PDE8B: variants seen among roughly 807,000 people sequenced by gnomAD.
PDE8B encodes high affinity cAMP-specific and IBMX-insensitive 3',5'-cyclic phosphodiesterase 8B.
A neutral mutation model predicts 101.3 loss-of-function variants in PDE8B; 26 were observed. The ratio of observed to expected loss-of-function variants is 0.26; its 90% CI spans 0.19 to 0.36. The LOEUF is 0.36. Among genes scored for constraint, PDE8B ranks in the 10% least tolerant of loss-of-function variants. PDE8B has a pLI of 1.00. For missense variants in PDE8B, 810 were observed against 1,163.1 expected (o/e 0.70, Z 4.42); for synonymous variants, 424 against 429.3 (o/e 0.99, Z 0.15).
In PDE8B at chr5:77,245,498, G is replaced by T. The variant is rs114010388; in HGVS notation, c.339+34234G>T. Among the ~76,000 whole-genome samples the T allele has an allele frequency of 5.9e-3, 894 of 152,284 alleles. 8 individuals are homozygous for T. The highest frequency in any genetic ancestry group is 0.021 in the African/African-American group (864 of 41,554). On this transcript the variant is annotated intron_variant, in intron 1 of 21. Coordinates refer to ENST00000264917, the MANE Select transcript of PDE8B (RefSeq NM_003719.5). ...AATTGACAGTCTCTCTGATCGTACA[G>T]AAGACAAGGCCCAGACCTTCAGGAA...
chr5:77,127,416 C>T, the PDE8B span, among the ~76,000 whole-genome samples: 1 of 152,166 alleles, frequency 6.6e-6, no homozygotes, highest in Non-Finnish European at 1.5e-5. Flanking sequence ...TCTTTGCCTT[C>T]CACCATGATT....
the PDE8B span, among the ~76,000 whole-genome samples, chr5:77,137,834 T>C: frequency 6.6e-6 from 1 of 151,984 alleles, no homozygotes; most frequent in Non-Finnish European, 1.5e-5. Flanking sequence ...AGGAGAGACT[T>C]TTTTTCATTA....
rs772847529 is a variant in PDE8B at position 77,407,373 on chromosome 5, C to T, written c.1289-8C>T. On this transcript the variant is annotated splice_region_variant and splice_polypyrimidine_tract_variant and intron_variant, in intron 12 of 21. Transcript: ENST00000264917. ...GAACTGGACACAGCTTTCTTGCCTT[C>T]TCTCCAGCACCAAGCCTGCAGAATC... is the stretch of plus-strand genomic sequence containing the variant. 6.3e-5 allele frequency: 102 copies of T among 1,613,076 alleles called. No individual in the cohort carries two copies. The Admixed American group carries it at 1.6e-3, about 25-fold the overall frequency.
chr5:77,195,197 G>T, the PDE8B span, among the ~76,000 whole-genome samples: 2 of 152,220 alleles, frequency 1.3e-5, no homozygotes, highest in African/African-American at 2.4e-5. Context: ...GGAAACACAT[G>T]CCCTCACATG....
At chr5:77,320,550 T>C (rs1431057739) in intron 2 of PDE8B, among the ~76,000 whole-genome samples, 2 of 152,186 alleles carry the variant, frequency 1.3e-5, no homozygotes, top group African/African-American at 2.4e-5. Flanking sequence ...TATTGGTGCA[T>C]TTATTATAAT....
intron 18 of PDE8B, 137 bp downstream of exon 18, chr5:77,418,583 CTTAAT>C (rs1378169125): frequency 8.4e-6 from 6 of 714,982 alleles, no homozygotes; most frequent in South Asian, 4.7e-5. Flanking sequence ...TTGCCCTTAA[CTTAAT>C]TTGACTTTTC....
intron 13 of PDE8B, among the ~76,000 whole-genome samples, chr5:77,408,322 T>A (rs1315754747): frequency 6.6e-6 from 1 of 152,196 alleles, no homozygotes; most frequent in Non-Finnish European, 1.5e-5. Flanking sequence ...GAGATAGAAG[T>A]GCTTTCTTTT....
chr5:77,408,895 T>C lies in PDE8B; in HGVS notation c.1368T>C (p.Val456=), dbSNP rs770341074. The C allele has an allele frequency of 6.2e-7, 1 of 1,612,116 alleles. No homozygotes were observed. Among genetic ancestry groups the C allele is most frequent in the South Asian group, 1.1e-5 (1 of 91,028 alleles). The change falls in exon 14 of 22, where the codon GTT becomes GTC. Residue 456 remains valine, a splice_region_variant and synonymous_variant. Coordinates refer to ENST00000264917, the MANE Select transcript of PDE8B (RefSeq NM_003719.5). The part of the protein sequence containing the change: ...SMTIEAPITK[V]INIINAAQEN... ...GTATTCTTTCTTCACTCCGTTAGGT[T>C]ATAAATATAATCAATGCAGCCCAAG...
chr5:77,404,907 C>T, intron 12 of PDE8B, 110 bp downstream of exon 12: 2 of 712,646 alleles, frequency 2.8e-6, no homozygotes, highest in East Asian at 2.7e-5. Flanking sequence ...AGTTCAACAA[C>T]ACCGACTTAT....
chr5:77,191,405 T>C, the PDE8B span, among the ~76,000 whole-genome samples: 1 of 151,770 alleles, frequency 6.6e-6, no homozygotes, highest in African/African-American at 2.4e-5. Flanking sequence ...CAGGCTGGAG[T>C]GCAGTGGCGC....
chr5:77,137,306 G>A, the PDE8B span, among the ~76,000 whole-genome samples: 58 of 152,196 alleles, frequency 3.8e-4, no homozygotes, highest in Non-Finnish European at 6.8e-4. Context: ...GGGCTGGGAG[G>A]ACCCACAGGG....
At chr5:77,285,173 T>C (rs1351678364) in intron 1 of PDE8B, among the ~76,000 whole-genome samples, 3 of 152,222 alleles carry the variant, frequency 2.0e-5, no homozygotes, top group Non-Finnish European at 4.4e-5. Context: ...CCCGAAGTCA[T>C]GAAGACAGAT....
the PDE8B span, among the ~76,000 whole-genome samples, chr5:77,180,967 C>CGTGTGTGTGTGTGTGTGTGT: frequency 7.9e-4 from 117 of 147,632 alleles, no homozygotes; most frequent in African/African-American, 2.8e-3. Flanking sequence ...GGTGTGTACA[C>CGTGTGTGTGTGTGTGTGTGT]GTGTGTGTGT....
chr5:77,228,403 T>TA (rs1349602774), intron 1 of PDE8B, among the ~76,000 whole-genome samples: 5 of 152,124 alleles, frequency 3.3e-5, no homozygotes, highest in African/African-American at 1.2e-4. Context: ...TACAGTTCTG[T>TA]AATGCCTGAG....
At chr5:77,132,856 A>G in the PDE8B span, among the ~76,000 whole-genome samples, 69 of 152,370 alleles carry the variant, frequency 4.5e-4, no homozygotes, top group African/African-American at 1.6e-3. Flanking sequence ...TGCATATCTC[A>G]AAATATCTTT....
chr5:77,377,887 A>T (rs146700729), intron 10 of PDE8B, among the ~76,000 whole-genome samples: 8 of 152,076 alleles, frequency 5.3e-5, no homozygotes, highest in African/African-American at 1.9e-4. Flanking sequence ...GACTTATGCT[A>T]CTGCCTTCCC....
At chr5:77,358,383 C>T in intron 10 of PDE8B, 1 of 948,506 alleles carries the variant, frequency 1.1e-6, no homozygotes, top group Non-Finnish European at 1.3e-6. Flanking sequence ...CATGTCTCTA[C>T]CCTGCAAAGA....
intron 1 of PDE8B, among the ~76,000 whole-genome samples, chr5:77,236,043 C>A (rs2149514627): frequency 6.6e-6 from 1 of 152,320 alleles, no homozygotes; most frequent in Non-Finnish European, 1.5e-5. Context: ...GGACTCTTAA[C>A]TGCTGTGCTG....
intron 1 of PDE8B, among the ~76,000 whole-genome samples, chr5:77,267,707 T>G (rs1762030917): frequency 6.6e-6 from 1 of 152,192 alleles, no homozygotes; most frequent in Non-Finnish European, 1.5e-5. Flanking sequence ...CAGTGCGTGT[T>G]TCTCACAAGC....
Sources: gnomAD v4.1 joint callset for allele counts (sites outside exome capture counted in the v4.1 genomes callset) on GRCh38, gnomAD v4.1.1 for gene constraint, MANE v1.5 for transcripts, NCBI Gene and HGNC (gene_info 2026-07-23, HGNC 2026-07-21) for gene names.